GPHN: variants seen among roughly 807,000 people sequenced by gnomAD.
The protein encoded by GPHN is gephyrin.
Under a neutral mutation model 95.5 loss-of-function variants are expected in GPHN, and 17 were observed. That is an observed-to-expected ratio of 0.18 (90% confidence interval 0.12 to 0.27). GPHN has a LOEUF of 0.27. GPHN is among the 10% of genes least tolerant of loss of function. GPHN has a pLI of 1.00. For missense variants in GPHN, 660 were observed against 978.1 expected, an observed-to-expected ratio of 0.67 and a Z score of 4.34; for synonymous variants, 320 against 322.5, an observed-to-expected ratio of 0.99 and a Z score of 0.08.
chr14:66,656,099 C>T (rs563221097), intron 1 of GPHN, among the ~76,000 whole-genome samples: 15 of 152,084 alleles, frequency 9.9e-5, no homozygotes, highest in African/African-American at 2.4e-4. Flanking sequence ...TTTGCATCTG[C>T]GTAATATTCC....
chr14:66,878,996 G>A (rs753831943), intron 4 of GPHN, among the ~76,000 whole-genome samples: 2 of 152,044 alleles, frequency 1.3e-5, no homozygotes, highest in Non-Finnish European at 2.9e-5. Flanking sequence ...AGAAAATTTG[G>A]CACATATACA....
chr14:67,525,467 C>T, the GPHN span, among the ~76,000 whole-genome samples: 1 of 152,188 alleles, frequency 6.6e-6, no homozygotes, highest in South Asian at 2.1e-4. Flanking sequence ...TCCTTTTCCC[C>T]TCTTTTATTT....
the GPHN span, among the ~76,000 whole-genome samples, chr14:67,273,286 C>T: frequency 1.3e-4 from 20 of 150,942 alleles, no homozygotes; most frequent in African/African-American, 2.7e-4. Flanking sequence ...CCCAACCCCA[C>T]GACAGGCCCC....
the GPHN span, chr14:67,592,348 G>A: frequency 2.2e-6 from 1 of 449,048 alleles, no homozygotes; most frequent in Non-Finnish European, 4.1e-6. Flanking sequence ...GCTGAGGCAG[G>A]AGGATTTCTT....
chr14:67,332,251 G>GT, the GPHN span, among the ~76,000 whole-genome samples: 1 of 152,112 alleles, frequency 6.6e-6, no homozygotes, highest in Non-Finnish European at 1.5e-5. Context: ...CTTTCCTTCA[G>GT]TCAGTATTTT....
chr14:66,828,794 T>C lies in GPHN; in HGVS notation c.294+4228T>C, dbSNP rs115134064. On this transcript the variant is annotated intron_variant, in intron 4 of 22. Transcript: ENST00000478722. ...GATTTCTCTCCAGGTCTATTAAAAA[T>C]GAGAATAGAATATCAAGTATAGTAA... Among the ~76,000 whole-genome samples, 6 of 150,122 alleles carry C rather than the reference T, an allele frequency of 4.0e-5. 1 individual carries two copies. The highest frequency in any genetic ancestry group is 1.5e-4 in the African/African-American group (6 of 39,528).
In GPHN at chr14:66,653,376, C is replaced by G. The variant is rs151050154; in HGVS notation, c.65-27731C>G. On this transcript the variant is annotated intron_variant, in intron 1 of 22. Transcript: ENST00000478722. ...AATTATAATTGATTTTTTAATTAAACTTTTTAGATAGTTGTAGAATTACAT... is the reference window on the plus strand; with the variant it reads ...AATTATAATTGATTTTTTAATTAAAGTTTTTAGATAGTTGTAGAATTACAT... Among the ~76,000 whole-genome samples, 523 of 152,154 alleles carry G rather than the reference C, an allele frequency of 3.4e-3. 2 individuals are homozygous for G. The highest frequency in any genetic ancestry group is 0.012 in the African/African-American group (501 of 41,488).
chr14:66,524,128 G>A (rs1033110766), intron 1 of GPHN, among the ~76,000 whole-genome samples: 2 of 152,096 alleles, frequency 1.3e-5, no homozygotes, highest in Non-Finnish European at 2.9e-5. Context: ...ATATATGTGG[G>A]TACTATGGTT....
intron 19 of GPHN, among the ~76,000 whole-genome samples, chr14:67,162,123 G>A (rs1191467178): frequency 6.6e-6 from 1 of 152,130 alleles, no homozygotes; most frequent in Non-Finnish European, 1.5e-5. Context: ...TGATAGCCAT[G>A]CATAATAACA....
intron 2 of GPHN, among the ~76,000 whole-genome samples, chr14:66,743,071 C>A (rs557895156): frequency 2.6e-5 from 4 of 152,196 alleles, no homozygotes; most frequent in African/African-American, 9.6e-5. Flanking sequence ...ATTGACACCA[C>A]TGCCTTAATA....
chr14:67,585,596 C>T, the GPHN span: 1 of 1,585,506 alleles, frequency 6.3e-7, no homozygotes, highest in Non-Finnish European at 8.6e-7. Context: ...AAGGAGAACG[C>T]TCTGGTGTGG....
chr14:66,674,089 C>G (rs112030076), intron 1 of GPHN, among the ~76,000 whole-genome samples: 3 of 147,580 alleles, frequency 2.0e-5, no homozygotes, highest in African/African-American at 7.8e-5. Context: ...AGAGCTTACT[C>G]CTATTTTTCT....
intron 17 of GPHN, among the ~76,000 whole-genome samples, chr14:67,136,950 G>T (rs1367275976): frequency 6.6e-6 from 1 of 151,996 alleles, no homozygotes; most frequent in African/African-American, 2.4e-5. Flanking sequence ...GCTTTGGGAG[G>T]CCAGGAGTTC....
chr14:66,575,546 A>C (rs1417831752), intron 1 of GPHN, among the ~76,000 whole-genome samples: 1 of 152,116 alleles, frequency 6.6e-6, no homozygotes, highest in Non-Finnish European at 1.5e-5. Context: ...AGTGTTTCTG[A>C]GTGGGCTTGC....
chr14:66,643,673 A>G lies in GPHN; in HGVS notation c.65-37434A>G, dbSNP rs568545400. On this transcript the variant is annotated intron_variant, in intron 1 of 22. Transcript: ENST00000478722. ...ATTTTTATAAAGTTCAGAAACAGAC[A>G]AAATTAATATATAGTGTTAGAAGTC... is the stretch of plus-strand genomic sequence containing the variant. Among the ~76,000 whole-genome samples, 5 of 152,098 alleles carry G rather than the reference A, an allele frequency of 3.3e-5. No homozygotes were observed. The South Asian group carries it at 1.0e-3, about 32-fold the overall frequency.
chr14:67,129,829 AG>A (rs2079583400), intron 17 of GPHN, among the ~76,000 whole-genome samples: 2 of 143,936 alleles, frequency 1.4e-5, no homozygotes, highest in Non-Finnish European at 3.0e-5. Context: ...GAAGGAAGGG[AG>A]AGGGAGGGAG....
intron 10 of GPHN, among the ~76,000 whole-genome samples, chr14:67,052,569 C>A (rs2075353844): frequency 7.5e-6 from 1 of 133,794 alleles, no homozygotes; most frequent in African/African-American, 3.7e-5. Flanking sequence ...ATATTCAGGA[C>A]CCAAACTCAA....
chr14:66,634,364 C>T (rs978464939), intron 1 of GPHN, among the ~76,000 whole-genome samples: 48 of 151,826 alleles, frequency 3.2e-4, no homozygotes, highest in African/African-American at 1.1e-3. Context: ...TGATACTTCA[C>T]CTGTAATCAA....
intron 9 of GPHN, among the ~76,000 whole-genome samples, chr14:66,981,218 C>T (rs2070649748): frequency 6.6e-6 from 1 of 152,090 alleles, no homozygotes; most frequent in South Asian, 2.1e-4. Context: ...TTCCTTTCCT[C>T]CAGAAACACA....
Sources: allele counts gnomAD v4.1 joint callset (sites outside exome capture counted in the v4.1 genomes callset), GRCh38; gene constraint gnomAD v4.1.1; transcripts MANE v1.5; gene names NCBI Gene and HGNC (gene_info 2026-07-23, HGNC 2026-07-21).